Variants in SLC17A1 observed in about 807,000 individuals in gnomAD.
The protein encoded by SLC17A1 is sodium-dependent phosphate transport protein 1.
SLC17A1 carries 51 observed loss-of-function variants against 53.5 expected under a neutral mutation model. That is an observed-to-expected ratio of 0.95 (90% CI 0.76 to 1.20). SLC17A1 has a LOEUF of 1.20. Ranked by LOEUF, SLC17A1 falls within the 50% of genes most tolerant of loss-of-function variation. SLC17A1 has a pLI of 0.00. For missense variants in SLC17A1, 538 were observed against 568.2 expected, an observed-to-expected ratio of 0.95 and a Z score of 0.54; for synonymous variants, 179 against 198.8, an observed-to-expected ratio of 0.90 and a Z score of 0.84.
intron 3 of SLC17A1, among the ~76,000 whole-genome samples, chr6:25,821,081 C>A (rs1010495960): frequency 6.6e-6 from 1 of 152,042 alleles, no homozygotes; most frequent in African/African-American, 2.4e-5. Flanking sequence ...ATTTTCTAAA[C>A]TTTCTCTGTT....
chr6:25,818,636 T>C (rs930926487), intron 6 of SLC17A1, among the ~76,000 whole-genome samples: 4 of 152,198 alleles, frequency 2.6e-5, no homozygotes, highest in African/African-American at 9.7e-5. Context: ...CCTTATTTCT[T>C]TATAGTTTTT....
chr6:25,738,772 G>A, the SLC17A1 span, among the ~76,000 whole-genome samples: 2 of 152,126 alleles, frequency 1.3e-5, no homozygotes, highest in Non-Finnish European at 1.5e-5. Flanking sequence ...GGGCAAAAAA[G>A]CACATGAGGA....
chr6:25,739,846 T>G, the SLC17A1 span, among the ~76,000 whole-genome samples: 2 of 152,166 alleles, frequency 1.3e-5, no homozygotes, highest in East Asian at 3.9e-4. Flanking sequence ...GAGATCTTTG[T>G]GATGATAGAA....
intron 6 of SLC17A1, among the ~76,000 whole-genome samples, chr6:25,816,127 T>C (rs10498731): frequency 0.083 from 12,626 of 152,140 alleles, 1,195 homozygotes; most frequent in East Asian, 0.5. Flanking sequence ...AAAGACAATT[T>C]TGAAAGAAGC....
chr6:25,816,459 G>A (rs1292290706), intron 6 of SLC17A1, among the ~76,000 whole-genome samples: 3 of 152,258 alleles, frequency 2.0e-5, no homozygotes, highest in South Asian at 2.1e-4. Flanking sequence ...TAGAAGCAGA[G>A]CCATGGGCTC....
At chr6:25,744,840 C>T in the SLC17A1 span, among the ~76,000 whole-genome samples, 1 of 152,084 alleles carries the variant, frequency 6.6e-6, no homozygotes, top group Non-Finnish European at 1.5e-5. Flanking sequence ...GTAGATTAAA[C>T]TTAAAAGTGT....
chr6:25,776,100 T>C, the SLC17A1 span, among the ~76,000 whole-genome samples: 1 of 152,008 alleles, frequency 6.6e-6, no homozygotes, highest in Admixed American at 6.6e-5. Context: ...AGAGCACCAG[T>C]AATATTTGTG....
At chr6:25,794,661 TC>T (rs1763567816) in intron 12 of SLC17A1, among the ~76,000 whole-genome samples, 1 of 152,158 alleles carries the variant, frequency 6.6e-6, no homozygotes, top group African/African-American at 2.4e-5. Flanking sequence ...ACATTGGACA[TC>T]AACTCACAGC....
the SLC17A1 span, among the ~76,000 whole-genome samples, chr6:25,757,795 A>T: frequency 3.3e-5 from 5 of 152,062 alleles, no homozygotes; most frequent in Non-Finnish European, 7.4e-5. Flanking sequence ...TGAATCCTTT[A>T]TTGTACCCCA....
downstream of SLC17A1, chr6:25,780,543 C>T (rs981921653): frequency 6.6e-6 from 1 of 151,986 alleles, no homozygotes; most frequent in Non-Finnish European, 1.5e-5. Context: ...TTAGCTATGG[C>T]CAGAGTATAG....
At chr6:25,768,497 A>G in the SLC17A1 span, 1 of 597,872 alleles carries the variant, frequency 1.7e-6, no homozygotes, top group Non-Finnish European at 2.1e-6. Flanking sequence ...ACCATAGCCT[A>G]TCTTTCAAGT....
At chr6:25,786,388 C>T (rs543364511) in intron 12 of SLC17A1, among the ~76,000 whole-genome samples, 1 of 152,210 alleles carries the variant, frequency 6.6e-6, no homozygotes, top group African/African-American at 2.4e-5. Context: ...ATTTTCCACC[C>T]GAGGAACAAG....
At chr6:25,777,564 A>AAACAACAAC in the SLC17A1 span, 219 of 162,052 alleles carry the variant, frequency 1.4e-3, no homozygotes, top group African/African-American at 4.6e-3. Flanking sequence ...GCAGAAGCCA[A>AAACAACAAC]AACAACAACA....
At chr6:25,815,128 A>T (rs1302056025) in intron 6 of SLC17A1, among the ~76,000 whole-genome samples, 1 of 151,810 alleles carries the variant, frequency 6.6e-6, no homozygotes, top group Non-Finnish European at 1.5e-5. Flanking sequence ...GTAAAGAAAC[A>T]TACTGGAAGG....
chr6:25,785,736 ATAAT>A (rs1240986047), intron 12 of SLC17A1, among the ~76,000 whole-genome samples: 3 of 152,202 alleles, frequency 2.0e-5, no homozygotes, highest in Non-Finnish European at 4.4e-5. Context: ...GATGTTCAAC[ATAAT>A]TACTTATTAG....
At chr6:25,788,823 C>A (rs1763439760) in intron 12 of SLC17A1, among the ~76,000 whole-genome samples, 1 of 151,896 alleles carries the variant, frequency 6.6e-6, no homozygotes, top group Non-Finnish European at 1.5e-5. Context: ...AGGGGATTGA[C>A]AAAGTAAATA....
At chr6:25,741,391 A>C in the SLC17A1 span, among the ~76,000 whole-genome samples, 1 of 148,418 alleles carries the variant, frequency 6.7e-6, no homozygotes, top group South Asian at 2.2e-4. Context: ...CCAACATGGC[A>C]AAACCCTGTC....
chr6:25,794,043 T>C (rs1763556472), intron 12 of SLC17A1, among the ~76,000 whole-genome samples: 2 of 152,244 alleles, frequency 1.3e-5, no homozygotes, highest in African/African-American at 4.8e-5. Flanking sequence ...TCATAGCTGC[T>C]TGTTCCTGTT....
At chr6:25,738,722 A>G in the SLC17A1 span, among the ~76,000 whole-genome samples, 1 of 152,192 alleles carries the variant, frequency 6.6e-6, no homozygotes, top group African/African-American at 2.4e-5. Context: ...AAAATGAACA[A>G]TATTCATGAA....
Sources: gnomAD v4.1 joint callset for allele counts (sites outside exome capture counted in the v4.1 genomes callset) on GRCh38, gnomAD v4.1.1 for gene constraint, MANE v1.5 for transcripts, NCBI Gene and HGNC (gene_info 2026-07-23, HGNC 2026-07-21) for gene names.